RBFOX1: variants seen among roughly 807,000 people sequenced by gnomAD.
RBFOX1 encodes RNA binding fox-1 homolog 1.
In RBFOX1, 8 loss-of-function variants were observed where a neutral mutation model predicts 57.7. The ratio of observed to expected loss-of-function variants is 0.14; its 90% CI spans 0.08 to 0.25. RBFOX1 has a LOEUF of 0.25. RBFOX1 is among the 10% of genes least tolerant of loss of function. The pLI, the probability that RBFOX1 is intolerant of heterozygous loss-of-function variation, is 1.00. For synonymous variants in RBFOX1, 326 were observed against 222.4 expected (o/e 1.47, Z -4.15); for missense variants, 611 against 548.5 (o/e 1.11, Z -1.14).
chr16:7,391,247 C>A (rs999361202), intron 4 of RBFOX1, among the ~76,000 whole-genome samples: 21 of 152,158 alleles, frequency 1.4e-4, no homozygotes, highest in African/African-American at 4.8e-4. Flanking sequence ...AGGCCAGTCT[C>A]TTTTTAGAAT....
intron 2 of RBFOX1, among the ~76,000 whole-genome samples, chr16:6,485,511 G>A (rs758817694): frequency 6.6e-6 from 1 of 151,484 alleles, no homozygotes; most frequent in Non-Finnish European, 1.5e-5. Context: ...CATATGTTTT[G>A]CACGCTGGAG....
intron 3 of RBFOX1, among the ~76,000 whole-genome samples, chr16:6,868,430 G>T (rs1331256156): frequency 6.6e-6 from 1 of 152,042 alleles, no homozygotes; most frequent in African/African-American, 2.4e-5. Flanking sequence ...AGTTGCCAGG[G>T]CGAGGTAGGA....
chr16:6,231,685 T>C (rs1333813250), intron 1 of RBFOX1, among the ~76,000 whole-genome samples: 1 of 152,232 alleles, frequency 6.6e-6, no homozygotes, highest in East Asian at 1.9e-4. Context: ...ATTCTGTAAT[T>C]GATTAGGCAT....
intron 2 of RBFOX1, among the ~76,000 whole-genome samples, chr16:6,539,806 G>GGCACACACACACACACACACACAC (rs2096786849): frequency 7.3e-6 from 1 of 136,234 alleles, no homozygotes; most frequent in Non-Finnish European, 1.6e-5. Flanking sequence ...TCAAAACACA[G>GGCACACACACACACACACACACAC]ACACACACAC....
intron 2 of RBFOX1, among the ~76,000 whole-genome samples, chr16:6,370,498 A>G (rs1404831178): frequency 6.6e-6 from 1 of 152,078 alleles, no homozygotes; most frequent in Non-Finnish European, 1.5e-5. Context: ...AAAAAGCACG[A>G]GTCTTTTAAA....
chr16:7,514,650 G>C (rs1011276877), intron 4 of RBFOX1, among the ~76,000 whole-genome samples: 2 of 152,068 alleles, frequency 1.3e-5, no homozygotes, highest in Non-Finnish European at 1.5e-5. Flanking sequence ...GGACTAGTTG[G>C]GCAAGGGGGT....
chr16:6,774,088 A>T (rs1337622705), intron 3 of RBFOX1: 13 of 809,924 alleles, frequency 1.6e-5, no homozygotes, highest in Non-Finnish European at 1.9e-5. Context: ...CTAGCTTTAA[A>T]TTACCAAGAA....
intron 3 of RBFOX1, among the ~76,000 whole-genome samples, chr16:5,821,080 A>T (rs988445644): frequency 2.0e-5 from 3 of 151,976 alleles, no homozygotes; most frequent in Non-Finnish European, 4.4e-5. Context: ...TGCTCCTACC[A>T]GGGTCTCTGC....
chr16:7,421,038 A>G (rs373317424), intron 4 of RBFOX1, among the ~76,000 whole-genome samples: 5 of 151,696 alleles, frequency 3.3e-5, no homozygotes, highest in Non-Finnish European at 5.9e-5. Flanking sequence ...CCTCCACTTG[A>G]TGAACCATAC....
intron 1 of RBFOX1, among the ~76,000 whole-genome samples, chr16:5,253,362 G>T (rs1315331126): frequency 6.6e-6 from 1 of 152,090 alleles, no homozygotes; most frequent in Non-Finnish European, 1.5e-5. Flanking sequence ...ATGTTGGCCA[G>T]GCTGGTCTTG....
intron 3 of RBFOX1, among the ~76,000 whole-genome samples, chr16:5,719,550 G>T (rs1405859821): frequency 6.6e-6 from 1 of 151,844 alleles, no homozygotes; most frequent in Non-Finnish European, 1.5e-5. Context: ...CACCCATTAA[G>T]CAGTAACTCC....
At chr16:5,303,604 C>A (rs773108872) in intron 1 of RBFOX1, among the ~76,000 whole-genome samples, 7 of 152,112 alleles carry the variant, frequency 4.6e-5, no homozygotes, top group Non-Finnish European at 1.0e-4. Context: ...GGGCTTGATT[C>A]CAAACAGCGC....
At chr16:5,700,162 G>A (rs2050993344) in intron 3 of RBFOX1, among the ~76,000 whole-genome samples, 1 of 152,146 alleles carries the variant, frequency 6.6e-6, no homozygotes, top group Non-Finnish European at 1.5e-5. Context: ...TGAAATTTTA[G>A]TTTAATATTT....
intron 1 of RBFOX1, among the ~76,000 whole-genome samples, chr16:6,085,650 T>TGTGTG (rs2096073052): frequency 1.3e-5 from 2 of 150,488 alleles, no homozygotes; most frequent in African/African-American, 4.9e-5. Flanking sequence ...CAGTGTGTGT[T>TGTGTG]TGTGTGTGTG....
intron 2 of RBFOX1, among the ~76,000 whole-genome samples, chr16:6,319,941 C>A (rs1345723828): frequency 1.3e-5 from 2 of 152,032 alleles, no homozygotes; most frequent in Non-Finnish European, 2.9e-5. Flanking sequence ...TTGTCTTTTT[C>A]TTTGGTCTAG....
chr16:5,429,762 AGT>A (rs1169537559), intron 1 of RBFOX1, among the ~76,000 whole-genome samples: 2 of 152,144 alleles, frequency 1.3e-5, no homozygotes, highest in Non-Finnish European at 2.9e-5. Flanking sequence ...AGCCAGTGGC[AGT>A]GTTTGGCCTG....
At chr16:5,644,903 C>G (rs189510581) in intron 3 of RBFOX1, among the ~76,000 whole-genome samples, 22 of 151,872 alleles carry the variant, frequency 1.4e-4, no homozygotes, top group Admixed American at 1.4e-3. Context: ...GGGGTATATA[C>G]CTGAGAAGAA....
chr16:7,221,690 TC>T (rs2092744538), intron 4 of RBFOX1, among the ~76,000 whole-genome samples: 1 of 152,210 alleles, frequency 6.6e-6, no homozygotes, highest in Admixed American at 6.5e-5. Flanking sequence ...TTGTAAATTA[TC>T]CTGTTCTCCA....
At chr16:6,366,920 T>G (rs1473921760) in intron 2 of RBFOX1, among the ~76,000 whole-genome samples, 1 of 152,226 alleles carries the variant, frequency 6.6e-6, no homozygotes, top group Non-Finnish European at 1.5e-5. Context: ...TTCTTCTGAC[T>G]GTGTGTCACC....
Sources: allele counts gnomAD v4.1 joint callset (sites outside exome capture counted in the v4.1 genomes callset), GRCh38; gene constraint gnomAD v4.1.1; transcripts MANE v1.5; gene names NCBI Gene and HGNC (gene_info 2026-07-23, HGNC 2026-07-21).